TMEM98: variants seen among roughly 807,000 people sequenced by gnomAD.
The protein encoded by TMEM98 is transmembrane protein 98.
A neutral mutation model predicts 25.0 loss-of-function variants in TMEM98; 18 were observed. That is an observed-to-expected ratio of 0.72 (90% CI 0.50 to 1.07). The LOEUF is 1.07. Among genes scored for constraint, TMEM98 ranks in the 50% least tolerant of loss-of-function variants. The probability of loss-of-function intolerance (pLI) is 0.00; values close to 1 mark genes in which losing one functional copy is unlikely to be tolerated. For synonymous variants in TMEM98, 103 were observed against 112.4 expected, an observed-to-expected ratio of 0.92 and a Z score of 0.53; for missense variants, 241 against 289.0, an observed-to-expected ratio of 0.83 and a Z score of 1.20.
chr17:32,932,316 G>C (rs1211776746), intron 3 of TMEM98, among the ~76,000 whole-genome samples: 3 of 151,960 alleles, frequency 2.0e-5, no homozygotes, highest in African/African-American at 7.3e-5. Flanking sequence ...GGCCAGGCTG[G>C]TCTTGAACTC....
intron 5 of TMEM98, 27 bp downstream of exon 5, chr17:32,934,351 AT>A (rs778596955): frequency 3.7e-6 from 6 of 1,613,832 alleles, no homozygotes; most frequent in Non-Finnish European, 4.2e-6. Flanking sequence ...TCTCTGTGGG[AT>A]AAAGGGTAGT....
chr17:32,935,805 C>G (rs1036707282), intron 5 of TMEM98, among the ~76,000 whole-genome samples: 1 of 152,126 alleles, frequency 6.6e-6, no homozygotes, highest in Non-Finnish European at 1.5e-5. Flanking sequence ...CTTGCCTTTT[C>G]CCTGCTTTTC....
At chr17:32,933,407 C>T in intron 4 of TMEM98, 102 bp downstream of exon 4, 1 of 1,471,832 alleles carries the variant, frequency 6.8e-7, no homozygotes, top group East Asian at 2.3e-5. Context: ...AACAGTCACT[C>T]TGTTACTTGC....
At position 32,941,035 on chromosome 17, in the gene TMEM98, A is replaced by G. The variant is rs1237142297; in HGVS notation, c.*42A>G. On this transcript the variant is annotated 3_prime_UTR_variant, in exon 8 of 8. Transcript: ENST00000579849. ...GCTAGCCATGAAGGCCCCTGCCGCC[A>G]TCCCTGGATGGCTCAGCTTAGCCTT... The G allele has an allele frequency of 2.0e-6, 3 of 1,523,484 alleles. No individual in the cohort carries two copies. Among genetic ancestry groups the G allele is most frequent in the Non-Finnish European group, 2.7e-6 (3 of 1,124,054 alleles). The allele number at this position is 1,523,484 out of a possible 1,614,324, so 94.4% of individuals were successfully genotyped here. A position where few individuals can be genotyped will look rare whatever the true frequency, so the allele number is the denominator to read the frequency against.
In TMEM98 at chr17:32,929,157, AACAT is replaced by A. The variant is rs202124172; in HGVS notation, c.-131+922_-131+925del. Among the ~76,000 whole-genome samples the A allele has an allele frequency of 5.9e-5, 9 of 151,650 alleles. 2 individuals carry two copies. The East Asian group carries it at 1.7e-3, about 29-fold the overall frequency. On this transcript the variant is annotated intron_variant, in intron 1 of 7. Coordinates refer to ENST00000579849, the MANE Select transcript of TMEM98 (RefSeq NM_015544.3). ...CAAGCACATTCAGAAAACACTCAGA[AACAT>A]AGCTAACACTCAGAAACACACTCTG...
Position 32,942,410 on chromosome 17 carries a change from C to T in TMEM98, c.*1417C>T, listed in dbSNP as rs911226392. 1.1e-4 allele frequency: 16 copies of T among 152,212 alleles called. No individual in the cohort carries two copies. Among genetic ancestry groups the T allele is most frequent in the African/African-American group, 3.4e-4 (14 of 41,450 alleles). The allele number at this position is 152,212 out of a possible 1,614,324, so 9.4% of individuals were successfully genotyped here. ...GCTGTCAAGCATGTTTGGAGTTGCACATCTGTTCCCATGTCATTTTCTCTG... is the reference window on the plus strand; with the variant it reads ...GCTGTCAAGCATGTTTGGAGTTGCATATCTGTTCCCATGTCATTTTCTCTG... On this transcript the variant is annotated 3_prime_UTR_variant, in exon 8 of 8. Transcript: ENST00000579849.
intron 6 of TMEM98, among the ~76,000 whole-genome samples, chr17:32,936,799 A>C (rs1393040195): frequency 6.6e-6 from 1 of 152,156 alleles, no homozygotes; most frequent in African/African-American, 2.4e-5. Flanking sequence ...CTCCCAGGCC[A>C]ACATGTCACA....
rs1446266379 is a variant in TMEM98 at position 32,936,422 on chromosome 17, G to C, written c.388G>C (p.Val130Leu). The C allele has an allele frequency of 1.9e-6, 3 of 1,614,222 alleles. No homozygotes were observed. The highest frequency in any genetic ancestry group is 4.5e-5 in the East Asian group (2 of 44,888). ...KTSASVSDII[V>L]VAKRISPRVD... Reference sequence around the variant, plus strand: ...TTCAGCCAGTGTCAGCGACATCATTGTGGTGGCCAAGCGGATCAGCCCCAG... The same window carrying C: ...TTCAGCCAGTGTCAGCGACATCATTCTGGTGGCCAAGCGGATCAGCCCCAG... Residue 130 changes from valine to leucine, a missense_variant, in exon 6 of 8, where the codon GTG becomes CTG. By Grantham distance (32) the Val-to-Leu change is conservative (BLOSUM62 1). Transcript: ENST00000579849.
At chr17:32,936,210 G>T in intron 5 of TMEM98, 122 bp from the exon 6 acceptor site, 1 of 716,934 alleles carries the variant, frequency 1.4e-6, no homozygotes, top group South Asian at 1.8e-5. Context: ...TTTCACATCT[G>T]GCCATTAGGT....
intron 5 of TMEM98, among the ~76,000 whole-genome samples, chr17:32,935,036 TG>T (rs1440392666): frequency 6.6e-6 from 1 of 152,182 alleles, no homozygotes. Context: ...ATCAGTAACC[TG>T]GGTAATCACA....
intron 6 of TMEM98, among the ~76,000 whole-genome samples, chr17:32,936,985 C>A (rs532524124): frequency 1.4e-4 from 21 of 152,376 alleles, no homozygotes; most frequent in African/African-American, 4.6e-4. Context: ...TGCGAAATCC[C>A]GTGTGGGAGG....
intron 6 of TMEM98, among the ~76,000 whole-genome samples, 166 bp from the exon 7 acceptor site, chr17:32,939,311 G>T (rs535617234): frequency 1.3e-5 from 2 of 152,212 alleles, no homozygotes; most frequent in South Asian, 2.1e-4. Context: ...GGAAGCTGAG[G>T]CAGGAGAATC....
intron 4 of TMEM98, among the ~76,000 whole-genome samples, chr17:32,933,831 C>A (rs1023151703): frequency 1.1e-4 from 17 of 152,166 alleles, no homozygotes; most frequent in Admixed American, 9.8e-4. Flanking sequence ...GTAAGAGATC[C>A]TTGTGTACAG....
chr17:32,934,310 AT>A lies in TMEM98; in HGVS notation c.285del (p.Ile95MetfsTer4). ...CCCCAGGGGTCTCATGTCCCACTGC[AT>A]TGCCATCTTGAAGGTAACCCTCTCT... ...EDASGLMSHC[I>X]AILKICHTLT... On this transcript the variant is annotated frameshift_variant, in exon 5 of 8. Transcript: ENST00000579849. LOFTEE classifies it high-confidence loss of function. 6.2e-7 allele frequency: 1 copy of A among 1,614,036 alleles called. No homozygotes were observed. The highest frequency in any genetic ancestry group is 8.5e-7 in the Non-Finnish European group (1 of 1,179,996).
intron 6 of TMEM98, among the ~76,000 whole-genome samples, chr17:32,938,629 T>G (rs1223775401): frequency 1.3e-5 from 2 of 152,222 alleles, no homozygotes; most frequent in African/African-American, 2.4e-5. Context: ...ACTCATGGCC[T>G]TCTTTTTCGG....
At chr17:32,935,707 G>T (rs779049299) in intron 5 of TMEM98, among the ~76,000 whole-genome samples, 5 of 152,194 alleles carry the variant, frequency 3.3e-5, no homozygotes, top group Non-Finnish European at 2.9e-5. Flanking sequence ...ATGTTGGTTG[G>T]TTCTAGCATG....
At chr17:32,938,638 G>A (rs1189840218) in intron 6 of TMEM98, among the ~76,000 whole-genome samples, 6 of 151,988 alleles carry the variant, frequency 3.9e-5, no homozygotes, top group Admixed American at 6.6e-5. Context: ...CTTCTTTTTC[G>A]GTGTCTTACA....
chr17:32,931,497 G>T lies in TMEM98; in HGVS notation c.-32G>T. 1.3e-6 allele frequency: 2 copies of T among 1,599,200 alleles called. No homozygotes were observed. The highest frequency in any genetic ancestry group is 2.3e-5 in the South Asian group (2 of 88,330). ...AAGCTTTAGCCCATGAGGAGGATGT[G>T]ACCGGGACTGAGTCAGGAGCCCTCT... is the stretch of plus-strand genomic sequence containing the variant. On this transcript the variant is annotated 5_prime_UTR_variant, in exon 3 of 8. It removes the in-frame stop codon of an upstream open reading frame in the 5' UTR. Coordinates refer to ENST00000579849, the MANE Select transcript of TMEM98 (RefSeq NM_015544.3).
In TMEM98 at chr17:32,941,603, T is replaced by C. The variant is rs550695860; in HGVS notation, c.*610T>C. ...TTATCTTTATGCCTGCAATTTTACC[T>C]AGCTACCACTAGGTGGATAGTAAAT... On this transcript the variant is annotated 3_prime_UTR_variant, in exon 8 of 8. Transcript: ENST00000579849. The C allele has an allele frequency of 6.6e-6, 1 of 152,384 alleles. No individual in the cohort carries two copies. Among genetic ancestry groups the C allele is most frequent in the South Asian group, 2.1e-4 (1 of 4,828 alleles). 9.4% of individuals were successfully genotyped at this position (152,384 alleles called of 1,614,324 possible). A position where few individuals can be genotyped will look rare whatever the true frequency, so the allele number is the denominator to read the frequency against.
Sources: allele counts gnomAD v4.1 joint callset (sites outside exome capture counted in the v4.1 genomes callset), GRCh38; gene constraint gnomAD v4.1.1; transcripts MANE v1.5; gene names NCBI Gene and HGNC (gene_info 2026-07-23, HGNC 2026-07-21).